IKBKB: variants seen among roughly 807,000 people sequenced by gnomAD.
The protein encoded by IKBKB is inhibitor of nuclear factor kappa-B kinase subunit beta.
IKBKB carries 42 observed loss-of-function variants against 113.6 expected under a neutral mutation model. The ratio of observed to expected loss-of-function variants is 0.37; its 90% CI spans 0.29 to 0.48. The LOEUF is 0.48. Ranked by LOEUF, IKBKB falls within the 20% of genes least tolerant of loss-of-function variation. The probability of loss-of-function intolerance (pLI) is 0.99; values close to 1 mark genes in which losing one functional copy is unlikely to be tolerated. For synonymous variants in IKBKB, 296 were observed against 361.3 expected (o/e 0.82, Z 2.05); for missense variants, 673 against 939.7 (o/e 0.72, Z 3.71).
At chr8:42,285,663 G>C (rs1052755480) in intron 2 of IKBKB, among the ~76,000 whole-genome samples, 1 of 152,226 alleles carries the variant, frequency 6.6e-6, no homozygotes, top group Non-Finnish European at 1.5e-5. Flanking sequence ...TAGACAAAGA[G>C]AATGAGAAGG....
chr8:42,307,391 T>C (rs538300654), intron 7 of IKBKB, among the ~76,000 whole-genome samples: 36 of 152,150 alleles, frequency 2.4e-4, no homozygotes, highest in South Asian at 6.2e-4. Flanking sequence ...TCTGCAGAGA[T>C]TGATGGGTTT....
intron 16 of IKBKB, 72 bp downstream of exon 16, chr8:42,320,916 A>G: frequency 1.1e-6 from 1 of 937,348 alleles, no homozygotes. Flanking sequence ...TGTGTGTGTC[A>G]AGGGCACCCT....
intron 5 of IKBKB, among the ~76,000 whole-genome samples, chr8:42,297,752 G>A (rs972072004): frequency 5.3e-5 from 8 of 152,098 alleles, no homozygotes; most frequent in Admixed American, 3.3e-4. Flanking sequence ...AAAATTATCT[G>A]GGCGTGGTGG....
chr8:42,274,279 C>T (rs1347813486), intron 2 of IKBKB, among the ~76,000 whole-genome samples: 2 of 152,186 alleles, frequency 1.3e-5, no homozygotes, highest in African/African-American at 4.8e-5. Context: ...ATCTGCCCAC[C>T]TCAGCCACCC....
At chr8:42,325,133 A>T in intron 19 of IKBKB, 2 of 730,518 alleles carry the variant, frequency 2.7e-6, no homozygotes, top group Non-Finnish European at 3.4e-6. Flanking sequence ...GGCAGAGATC[A>T]GCAGAGGGGT....
rs1193523242 is a variant in IKBKB, at chr8:42,331,271, G to C, written c.*292G>C. Reference sequence around the variant, plus strand: ...ACACTGGAGGTCCTCCATTACAGAGGCCCAGCGCACATCGCTGGCCCCACA... The same window carrying C: ...ACACTGGAGGTCCTCCATTACAGAGCCCCAGCGCACATCGCTGGCCCCACA... On this transcript the variant is annotated 3_prime_UTR_variant, in exon 22 of 22. Transcript: ENST00000520810. 4.3e-6 allele frequency: 3 copies of C among 702,168 alleles called. No individual in the cohort carries two copies. Among genetic ancestry groups the C allele is most frequent in the Non-Finnish European group, 7.8e-6 (3 of 385,556 alleles). 43.5% of individuals were successfully genotyped at this position (702,168 alleles called of 1,614,324 possible). A position where few individuals can be genotyped will look rare whatever the true frequency, so the allele number is the denominator to read the frequency against.
rs559701066 is a variant in IKBKB at position 42,290,022 on chromosome 8, G to A, written c.201-134G>A. ...ACCCAGGCATTGCGGTTGGCCACCC[G>A]TCCTGGGCTCTGTCTTCCTCTGTTT... On this transcript the variant is annotated intron_variant, in intron 3 of 21. Coordinates refer to ENST00000520810, the MANE Select transcript of IKBKB (RefSeq NM_001556.3). 201 of 652,906 alleles carry A rather than the reference G, an allele frequency of 3.1e-4. 1 individual carries two copies. The South Asian group carries it at 3.1e-3, about 10-fold the overall frequency. The allele number at this position is 652,906 out of a possible 1,614,324, so 40.4% of individuals were successfully genotyped here. A position where few individuals can be genotyped will look rare whatever the true frequency, so the allele number is the denominator to read the frequency against.
intron 5 of IKBKB, among the ~76,000 whole-genome samples, chr8:42,296,039 G>T (rs1367046624): frequency 1.3e-5 from 2 of 152,184 alleles, no homozygotes; most frequent in African/African-American, 4.8e-5. Context: ...AATTCTGTAG[G>T]TTGCTGATTC....
At chr8:42,292,791 G>A (rs952226797) in intron 4 of IKBKB, among the ~76,000 whole-genome samples, 6 of 152,148 alleles carry the variant, frequency 3.9e-5, no homozygotes, top group Admixed American at 3.3e-4. Context: ...TTGACCTGGC[G>A]CCGCATTCCA....
chr8:42,309,571 A>G (rs1817293138), intron 8 of IKBKB: 1 of 305,568 alleles, frequency 3.3e-6, no homozygotes, highest in Non-Finnish European at 6.5e-6. Flanking sequence ...CCTGGCCAAC[A>G]TGGCAAAACC....
intron 7 of IKBKB, 44 bp downstream of exon 7, chr8:42,306,476 C>A: frequency 7.7e-7 from 1 of 1,291,540 alleles, no homozygotes; most frequent in Non-Finnish European, 1.1e-6. Context: ...CTCCTCCCTG[C>A]TGCTGCATTT....
At chr8:42,287,823 G>A (rs1005169926) in intron 2 of IKBKB, among the ~76,000 whole-genome samples, 21 of 152,104 alleles carry the variant, frequency 1.4e-4, no homozygotes, top group African/African-American at 3.9e-4. Context: ...TATTATGCTT[G>A]CGTTCTCTCT....
chr8:42,314,234 G>A (rs1349438718), intron 8 of IKBKB, 88 bp from the exon 9 acceptor site: 1 of 922,432 alleles, frequency 1.1e-6, no homozygotes, highest in Non-Finnish European at 1.8e-6. Flanking sequence ...GTTCACACAA[G>A]GACTAAAATC....
Position 42,288,658 on chromosome 8 carries a change from A to G in IKBKB, c.130A>G (p.Lys44Glu). 1 of 1,611,400 alleles carries G rather than the reference A, an allele frequency of 6.2e-7. No homozygotes were observed. The highest frequency in any genetic ancestry group is 8.5e-7 in the Non-Finnish European group (1 of 1,178,654). The change falls in exon 3 of 22, where the codon AAG becomes GAG. Residue 44 changes from lysine (K) to glutamate (E), a missense_variant. This residue lies in a region of IKBKB where 167 missense variants were observed against 301.0 expected (regional missense o/e 0.55). Coordinates refer to ENST00000520810, the MANE Select transcript of IKBKB (RefSeq NM_001556.3). ...GGAAACAGGTGAGCAGATTGCCATC[A>G]AGCAGTGCCGGCAGGAGCTCAGCCC... is the stretch of plus-strand genomic sequence containing the variant. Reference protein sequence around the residue: ...NQETGEQIAIKQCRQELSPRN... With the variant: ...NQETGEQIAIEQCRQELSPRN...
rs2130745564 is a variant in IKBKB, at chr8:42,331,296, A to G, written c.*317A>G. 2.8e-6 allele frequency: 2 copies of G among 702,394 alleles called. No individual in the cohort carries two copies. Among genetic ancestry groups the G allele is most frequent in the Non-Finnish European group, 5.2e-6 (2 of 385,140 alleles). 43.5% of individuals were successfully genotyped at this position (702,394 alleles called of 1,614,324 possible). Reference sequence around the variant, plus strand: ...GCCCAGCGCACATCGCTGGCCCCACAAACGTTCAGGGGTACAGCCATGGCA... The same window carrying G: ...GCCCAGCGCACATCGCTGGCCCCACGAACGTTCAGGGGTACAGCCATGGCA... On this transcript the variant is annotated 3_prime_UTR_variant, in exon 22 of 22. Coordinates refer to ENST00000520810, the MANE Select transcript of IKBKB (RefSeq NM_001556.3).
At chr8:42,298,352 C>T (rs180893285) in intron 5 of IKBKB, 4 of 985,440 alleles carry the variant, frequency 4.1e-6, no homozygotes, top group African/African-American at 3.5e-5. Flanking sequence ...CGGGAACCCA[C>T]CCCTCTGTTG....
chr8:42,303,120 T>TGAGA (rs1021302959), intron 5 of IKBKB, among the ~76,000 whole-genome samples: 2 of 63,734 alleles, frequency 3.1e-5, no homozygotes, highest in Non-Finnish European at 3.2e-5. Flanking sequence ...AGAGAGAGAA[T>TGAGA]GAGAGAGAGA....
chr8:42,278,403 T>A (rs555971156), intron 2 of IKBKB, among the ~76,000 whole-genome samples: 6 of 152,166 alleles, frequency 3.9e-5, no homozygotes, highest in Admixed American at 3.9e-4. Flanking sequence ...GCTGTGCCCA[T>A]GGGGACAGAT....
chr8:42,285,121 G>T (rs906477284), intron 2 of IKBKB, among the ~76,000 whole-genome samples: 4 of 152,116 alleles, frequency 2.6e-5, no homozygotes, highest in African/African-American at 7.2e-5. Context: ...CTCCCAAAGT[G>T]CTGGGATTAC....
Sources: gnomAD v4.1 joint callset for allele counts (sites outside exome capture counted in the v4.1 genomes callset) on GRCh38, gnomAD v4.1.1 for gene constraint, gnomAD v4.1.1 regional missense constraint, MANE v1.5 for transcripts, NCBI Gene and HGNC (gene_info 2026-07-23, HGNC 2026-07-21) for gene names.